The following RIPK4 variants were observed in gnomAD, a reference collection of about 807,000 sequenced individuals.
RIPK4 encodes receptor-interacting serine/threonine-protein kinase 4.
Under a neutral mutation model 42.9 loss-of-function variants are expected in RIPK4, and 17 were observed. The observed-to-expected ratio is 0.40, with a 90% CI of 0.27 to 0.59. The LOEUF (loss-of-function observed/expected upper bound fraction) is 0.59, where lower values mean the gene tolerates loss of function less well. Among genes scored for constraint, RIPK4 ranks in the 20% least tolerant of loss-of-function variants. RIPK4 has a pLI of 0.47. For missense variants in RIPK4, 897 were observed against 1,104.4 expected (o/e 0.81, Z 2.66); for synonymous variants, 498 against 499.1 (o/e 1.00, Z 0.03).
intron 4 of RIPK4, 194 bp from the exon 5 acceptor site, chr21:41,746,965 T>A: frequency 1.7e-6 from 1 of 601,696 alleles, no homozygotes; most frequent in Non-Finnish European, 2.8e-6. Flanking sequence ...CCATGCTCTC[T>A]AGTTTCCTGG....
Position 41,751,119 on chromosome 21 carries a change from C to G in RIPK4, c.601G>C (p.Asp201His). The G allele has an allele frequency of 1.9e-6, 3 of 1,614,032 alleles. No homozygotes were observed. Among genetic ancestry groups the G allele is most frequent in the Non-Finnish European group, 2.5e-6 (3 of 1,179,980 alleles). Residue 201 changes from aspartate to histidine, a missense_variant, in exon 3 of 8, where the codon GAC becomes CAC. Asp to His is a moderately conservative substitution (Grantham distance 81, BLOSUM62 -1). Coordinates refer to ENST00000332512, the MANE Select transcript of RIPK4 (RefSeq NM_020639.3). The surrounding 1 kb of genome is among the most constrained non-coding windows in gnomAD (Gnocchi z 4.5). ...ERIREKSRLF[D>H]TKHDVYSFAI... ...CACCTGTATACATCGTGCTTGGTGT[C>G]GAAGAGCCGGCTCTTCTCCCTGATG...
In RIPK4 at chr21:41,751,181, C is replaced by T; in HGVS notation, c.539G>A (p.Gly180Asp). The part of the protein sequence containing the change: ...LSHSHDLSMD[G>D]LFGTIAYLPP... ...GAGGTAGGCGATTGTGCCAAACAGG[C>T]CATCCATGCTGAGGTCATGCGAGTG... Residue 180 changes from glycine to aspartate, a missense_variant, in exon 3 of 8, where the codon GGC (glycine) becomes GAC (aspartate). Coordinates refer to ENST00000332512, the MANE Select transcript of RIPK4 (RefSeq NM_020639.3). The surrounding 1 kb of genome is among the most constrained non-coding windows in gnomAD (Gnocchi z 4.5). 1 of 1,614,242 alleles carries T rather than the reference C, an allele frequency of 6.2e-7. No homozygotes were observed. The highest frequency in any genetic ancestry group is 8.5e-7 in the Non-Finnish European group (1 of 1,180,040).
At chr21:41,749,981 A>C (rs11203155) in intron 3 of RIPK4, among the ~76,000 whole-genome samples, 21,715 of 151,976 alleles carry the variant, frequency 0.14, 1,699 homozygotes, top group Middle Eastern at 0.21. Context: ...TTTATAGACA[A>C]CGAATTCACC....
intron 2 of RIPK4, among the ~76,000 whole-genome samples, chr21:41,753,219 G>A (rs1487906482): frequency 6.6e-6 from 1 of 151,134 alleles, no homozygotes; most frequent in Admixed American, 6.6e-5. Context: ...GGCAATAGCA[G>A]TACCCATCCT....
At chr21:41,752,647 C>T (rs950148409) in intron 2 of RIPK4, among the ~76,000 whole-genome samples, 5 of 152,204 alleles carry the variant, frequency 3.3e-5, no homozygotes, top group African/African-American at 7.2e-5. Flanking sequence ...CAAACCCCGG[C>T]GGCTGCTGGA....
chr21:41,756,889 G>A, intron 1 of RIPK4, 73 bp from the exon 2 acceptor site: 2 of 1,505,960 alleles, frequency 1.3e-6, no homozygotes, highest in East Asian at 4.6e-5. Context: ...ACCCTGGCCA[G>A]AAGACGACCA....
rs369347545 is a variant in RIPK4, at chr21:41,739,632, T to C, written c.*1206A>G. On this transcript the variant is annotated 3_prime_UTR_variant, in exon 8 of 8. Transcript: ENST00000332512. ...AGGGTCACGTTCTGCAACAAACTTA[T>C]TCTAATAACAGTATTCAGAAGGCAC... The C allele has an allele frequency of 7.2e-5, 11 of 152,348 alleles. No homozygotes were observed. The East Asian group carries it at 2.1e-3, about 29-fold the overall frequency. 9.4% of individuals were successfully genotyped at this position (152,348 alleles called of 1,614,324 possible).
rs1433384348 is a variant in RIPK4 at position 41,757,921 on chromosome 21, C to A, written c.183-1105G>T. ...GGCTGAAACAGGAGAATCACTTGAA[C>A]CTGGGAGGCGGAGGTTACAGTGAGC... On this transcript the variant is annotated intron_variant, in intron 1 of 7. Transcript: ENST00000332512. 2.1e-5 allele frequency among the ~76,000 whole-genome samples: 3 copies of A among 143,898 alleles called. No individual in the cohort carries two copies. The Admixed American group carries it at 2.1e-4, about 10-fold the overall frequency. The allele number at this position is 143,898 out of a possible 152,430, so 94.4% of individuals were successfully genotyped here.
intron 1 of RIPK4, among the ~76,000 whole-genome samples, chr21:41,759,470 G>C (rs1413234513): frequency 6.6e-6 from 1 of 152,148 alleles, no homozygotes; most frequent in Non-Finnish European, 1.5e-5. Flanking sequence ...ACCTCCTATA[G>C]CAGGAAACCC....
At chr21:41,765,016 T>C (rs1321067362) in intron 1 of RIPK4, among the ~76,000 whole-genome samples, 3 of 152,166 alleles carry the variant, frequency 2.0e-5, no homozygotes, top group Non-Finnish European at 4.4e-5. Context: ...ATATCCTAAG[T>C]GATCCACCTT....
Position 41,746,640 on chromosome 21 carries a change from C to G in RIPK4, c.805G>C (p.Asp269His), listed in dbSNP as rs149032082. 1.9e-6 allele frequency: 3 copies of G among 1,610,554 alleles called. 1 individual carries two copies. The South Asian group carries it at 3.3e-5, about 18-fold the overall frequency. ...TGGAAGGTGGGCCTAACTCGCGGATCCCCCTGCCAGCACCGCTGCATGAGG... is the reference window on the plus strand; with the variant it reads ...TGGAAGGTGGGCCTAACTCGCGGATGCCCCTGCCAGCACCGCTGCATGAGG... ...IRLMQRCWQG[D>H]PRVRPTFQEI... The change falls in exon 5 of 8, where the codon GAT (aspartate) becomes CAT (histidine). Residue 269 changes from aspartate to histidine, a missense_variant. By Grantham distance (81) the Asp-to-His change is moderately conservative (BLOSUM62 -1). Transcript: ENST00000332512.
At chr21:41,749,293 G>A in intron 3 of RIPK4, 90 bp from the exon 4 acceptor site, 1 of 1,265,964 alleles carries the variant, frequency 7.9e-7, no homozygotes, top group Non-Finnish European at 1.1e-6. Flanking sequence ...GAAGACACCT[G>A]TTCTGAAGCC....
At chr21:41,759,840 A>C (rs1347149013) in intron 1 of RIPK4, among the ~76,000 whole-genome samples, 1 of 152,234 alleles carries the variant, frequency 6.6e-6, no homozygotes, top group Non-Finnish European at 1.5e-5. Context: ...GCCAGCAGGA[A>C]CCCCTGGATC....
At chr21:41,749,438 C>A (rs2061181797) in intron 3 of RIPK4, among the ~76,000 whole-genome samples, 1 of 152,236 alleles carries the variant, frequency 6.6e-6, no homozygotes, top group East Asian at 1.9e-4. Flanking sequence ...GGGCTACAAT[C>A]TTCAGGCAGC....
rs1035261841 is a variant in RIPK4 at position 41,739,925 on chromosome 21, A to G, written c.*913T>C. ...GGTAATACTATGTAATTTTATCTTC[A>G]TACTGCGTGTGGAGATAAAAAACAC... is the stretch of plus-strand genomic sequence containing the variant. On this transcript the variant is annotated 3_prime_UTR_variant, in exon 8 of 8. Coordinates refer to ENST00000332512, the MANE Select transcript of RIPK4 (RefSeq NM_020639.3). 1.3e-5 allele frequency: 2 copies of G among 152,210 alleles called. No individual in the cohort carries two copies. Among genetic ancestry groups the G allele is most frequent in the African/African-American group, 4.8e-5 (2 of 41,456 alleles). The allele number at this position is 152,210 out of a possible 1,614,324, so 9.4% of individuals were successfully genotyped here.
rs2061145568 is a variant in RIPK4, at chr21:41,739,408, A to G, written c.*1430T>C. The G allele has an allele frequency of 6.6e-6, 1 of 152,212 alleles. No individual in the cohort carries two copies. The highest frequency in any genetic ancestry group is 2.1e-4 in the South Asian group (1 of 4,826). 9.4% of individuals were successfully genotyped at this position (152,212 alleles called of 1,614,324 possible). ...TAGGCAAGTACTTTGCTTTATTGAC[A>G]TCAAATGGAACTTCTTGTCCCTCAC... On this transcript the variant is annotated 3_prime_UTR_variant, in exon 8 of 8. Transcript: ENST00000332512.
chr21:41,765,658 A>T (rs2061233960), intron 1 of RIPK4, among the ~76,000 whole-genome samples: 1 of 152,202 alleles, frequency 6.6e-6, no homozygotes, highest in South Asian at 2.1e-4. Flanking sequence ...CCATCACTCA[A>T]TCAGCCGAGC....
chr21:41,760,172 T>A lies in RIPK4; in HGVS notation c.183-3356A>T, dbSNP rs114817173. On this transcript the variant is annotated intron_variant, in intron 1 of 7. Transcript: ENST00000332512. ...ATAACCCCGATGTAAATCAAGTGAG[T>A]GCATTTTCAGCCAATAAACTACTAC... 4.4e-3 allele frequency among the ~76,000 whole-genome samples: 666 copies of A among 152,276 alleles called. 2 individuals are homozygous for A. The highest frequency in any genetic ancestry group is 0.015 in the African/African-American group (636 of 41,552).
chr21:41,758,458 G>A (rs1020360362), intron 1 of RIPK4, among the ~76,000 whole-genome samples: 1 of 152,072 alleles, frequency 6.6e-6, no homozygotes, highest in South Asian at 2.1e-4. Flanking sequence ...TCATCTGTTC[G>A]TGGGTGCAGG....
Sources: allele counts gnomAD v4.1 joint callset (sites outside exome capture counted in the v4.1 genomes callset), GRCh38; gene constraint gnomAD v4.1.1; non-coding constraint Gnocchi (gnomAD v3.1); transcripts MANE v1.5; gene names NCBI Gene and HGNC (gene_info 2026-07-23, HGNC 2026-07-21).